Variants in GLRA3 observed in about 807,000 individuals in gnomAD.
GLRA3 encodes the protein glycine receptor subunit alpha-3.
A neutral mutation model predicts 60.4 loss-of-function variants in GLRA3; 44 were observed. That is an observed-to-expected ratio of 0.73 (90% CI 0.57 to 0.94). The LOEUF (loss-of-function observed/expected upper bound fraction) is 0.94, where lower values mean the gene tolerates loss of function less well. Among genes scored for constraint, GLRA3 ranks in the 40% least tolerant of loss-of-function variants. The pLI is 0.00. For synonymous variants in GLRA3, 223 were observed against 192.9 expected (o/e 1.16, Z -1.29); for missense variants, 508 against 564.6 (o/e 0.90, Z 1.02).
At chr4:174,721,823 GTA>G (rs1231938737) in intron 4 of GLRA3, among the ~76,000 whole-genome samples, 4 of 151,020 alleles carry the variant, frequency 2.6e-5, no homozygotes, top group African/African-American at 9.8e-5. Context: ...ATATGTGTGT[GTA>G]TATATATGTG....
intron 7 of GLRA3, among the ~76,000 whole-genome samples, chr4:174,665,029 T>C (rs934883530): frequency 2.0e-5 from 3 of 151,970 alleles, no homozygotes; most frequent in African/African-American, 7.3e-5. Context: ...TAAAGAAAAT[T>C]TGGGAGGGTA....
At chr4:174,724,882 C>G (rs765572228) in intron 4 of GLRA3, among the ~76,000 whole-genome samples, 2 of 152,118 alleles carry the variant, frequency 1.3e-5, no homozygotes, top group Non-Finnish European at 2.9e-5. Context: ...AAAATCTACT[C>G]TCATTCTCAT....
At chr4:174,763,150 G>A (rs1579567785) in intron 3 of GLRA3, among the ~76,000 whole-genome samples, 1 of 152,132 alleles carries the variant, frequency 6.6e-6, no homozygotes, top group African/African-American at 2.4e-5. Flanking sequence ...CTAGATGGGA[G>A]TTAAGGACCA....
At chr4:174,648,696 G>A (rs1283489020) in intron 9 of GLRA3, among the ~76,000 whole-genome samples, 2 of 152,148 alleles carry the variant, frequency 1.3e-5, no homozygotes, top group Non-Finnish European at 2.9e-5. Context: ...ATTCTGGGAA[G>A]GCAGGAGGGT....
At chr4:174,648,083 T>C (rs909447881) in intron 9 of GLRA3, among the ~76,000 whole-genome samples, 1 of 152,228 alleles carries the variant, frequency 6.6e-6, no homozygotes, top group African/African-American at 2.4e-5. Context: ...ACCCCCAATC[T>C]GCTGCAGTGT....
chr4:174,730,099 T>C (rs1378781983), intron 3 of GLRA3, among the ~76,000 whole-genome samples: 1 of 152,168 alleles, frequency 6.6e-6, no homozygotes, highest in Non-Finnish European at 1.5e-5. Flanking sequence ...AAAGTGACAA[T>C]GGAGCAGAAT....
At chr4:174,824,337 A>T (rs574522954) in intron 1 of GLRA3, among the ~76,000 whole-genome samples, 2 of 152,210 alleles carry the variant, frequency 1.3e-5, no homozygotes, top group Non-Finnish European at 2.9e-5. Flanking sequence ...AATAATTGCT[A>T]TCACCAATCC....
chr4:174,800,610 G>A (rs545791487), intron 1 of GLRA3, among the ~76,000 whole-genome samples: 6 of 151,034 alleles, frequency 4.0e-5, no homozygotes, highest in Admixed American at 1.3e-4. Context: ...AACCCCCCCC[G>A]CCAAAAAAAC....
At chr4:174,781,758 A>C (rs2111280804) in intron 2 of GLRA3, among the ~76,000 whole-genome samples, 1 of 152,012 alleles carries the variant, frequency 6.6e-6, no homozygotes, top group East Asian at 1.9e-4. Context: ...TCCCAAGACT[A>C]AACCAGGAAG....
rs549560385 is a variant in GLRA3, at chr4:174,749,138, C to T, written c.267+17825G>A. Among the ~76,000 whole-genome samples, 6 of 152,158 alleles carry T rather than the reference C, an allele frequency of 3.9e-5. No individual in the cohort carries two copies. In the East Asian group the frequency reaches 5.8e-4, roughly 15 times the overall value. ...CGGCTCAGTGACTGCTATTGTTTCT[C>T]GATTCGTAGATTTCAGCAGTGTGTT... On this transcript the variant is annotated intron_variant, in intron 3 of 9. Transcript: ENST00000274093.
chr4:174,751,095 CT>C (rs1174466220), intron 3 of GLRA3, among the ~76,000 whole-genome samples: 4 of 151,278 alleles, frequency 2.6e-5, no homozygotes, highest in Non-Finnish European at 4.4e-5. Context: ...ATCTATCTAT[CT>C]ATCTATCTAT....
At chr4:174,644,309 A>C (rs879720191) in intron 9 of GLRA3, among the ~76,000 whole-genome samples, 1 of 152,130 alleles carries the variant, frequency 6.6e-6, no homozygotes, top group African/African-American at 2.4e-5. Context: ...TTTAATGGGA[A>C]AACTAAATTC....
intron 9 of GLRA3, among the ~76,000 whole-genome samples, chr4:174,650,516 T>C (rs1354013097): frequency 1.3e-5 from 2 of 152,190 alleles, no homozygotes; most frequent in African/African-American, 4.8e-5. Context: ...ATAAGCTACA[T>C]GAATGACAGC....
intron 3 of GLRA3, among the ~76,000 whole-genome samples, chr4:174,760,754 A>G (rs565703184): frequency 6.6e-6 from 1 of 152,262 alleles, no homozygotes; most frequent in Admixed American, 6.5e-5. Flanking sequence ...TCCTGACCTC[A>G]GGTGATCCGC....
At chr4:174,652,996 T>C (rs1429451981) in intron 9 of GLRA3, among the ~76,000 whole-genome samples, 2 of 152,136 alleles carry the variant, frequency 1.3e-5, no homozygotes, top group African/African-American at 4.8e-5. Flanking sequence ...AAACACATTA[T>C]TTGCATCTTA....
At chr4:174,779,203 C>G (rs984299672) in intron 2 of GLRA3, among the ~76,000 whole-genome samples, 1 of 152,214 alleles carries the variant, frequency 6.6e-6, no homozygotes, top group African/African-American at 2.4e-5. Context: ...AGCAGGGGCA[C>G]ACTGACACCT....
chr4:174,805,243 A>G (rs1300501912), intron 1 of GLRA3, among the ~76,000 whole-genome samples: 1 of 151,910 alleles, frequency 6.6e-6, no homozygotes, highest in Non-Finnish European at 1.5e-5. Flanking sequence ...GTGGCTTTAA[A>G]ATTTTTTCTC....
intron 6 of GLRA3, among the ~76,000 whole-genome samples, chr4:174,679,613 AG>A (rs1734264332): frequency 6.6e-6 from 1 of 152,218 alleles, no homozygotes; most frequent in Non-Finnish European, 1.5e-5. Context: ...ACAATAGCTA[AG>A]ATAAGGAACC....
At chr4:174,657,112 T>A (rs1349876025) in intron 8 of GLRA3, among the ~76,000 whole-genome samples, 1 of 152,164 alleles carries the variant, frequency 6.6e-6, no homozygotes, top group Non-Finnish European at 1.5e-5. Flanking sequence ...AGAAAATGAA[T>A]GTTTCCCTCT....
Sources: allele counts gnomAD v4.1 joint callset (sites outside exome capture counted in the v4.1 genomes callset), GRCh38; gene constraint gnomAD v4.1.1; transcripts MANE v1.5; gene names NCBI Gene and HGNC (gene_info 2026-07-23, HGNC 2026-07-21).